Variants in CEP112 observed in about 807,000 individuals in gnomAD.
The protein encoded by CEP112 is centrosomal protein of 112 kDa.
Under a neutral mutation model 153.0 loss-of-function variants are expected in CEP112, and 127 were observed. That is an observed-to-expected ratio of 0.83 (90% CI 0.72 to 0.96). The LOEUF is 0.96. Among genes scored for constraint, CEP112 ranks in the 40% least tolerant of loss-of-function variants. CEP112 has a pLI of 0.00. For missense variants in CEP112, 1,089 were observed against 1,101.2 expected, an observed-to-expected ratio of 0.99 and a Z score of 0.16; for synonymous variants, 358 against 374.4, an observed-to-expected ratio of 0.96 and a Z score of 0.51.
intron 17 of CEP112, among the ~76,000 whole-genome samples, chr17:65,977,426 T>C (rs895567287): frequency 1.3e-5 from 2 of 152,132 alleles, no homozygotes; most frequent in African/African-American, 4.8e-5. Flanking sequence ...AATAGAGGCT[T>C]TAAAGTCAAA....
intron 8 of CEP112, among the ~76,000 whole-genome samples, chr17:66,075,875 T>C (rs1450051313): frequency 6.6e-6 from 1 of 152,088 alleles, no homozygotes; most frequent in Non-Finnish European, 1.5e-5. Flanking sequence ...CCCCAAATAC[T>C]GTGAGTTCCC....
At chr17:65,985,946 G>A (rs1169798304) in intron 17 of CEP112, among the ~76,000 whole-genome samples, 1 of 151,596 alleles carries the variant, frequency 6.6e-6, no homozygotes, top group African/African-American at 2.4e-5. Context: ...TGAATCTACA[G>A]CAAATCACGA....
chr17:65,759,992 C>T (rs755120352), intron 21 of CEP112, among the ~76,000 whole-genome samples: 13 of 152,102 alleles, frequency 8.5e-5, no homozygotes, highest in Non-Finnish European at 1.8e-4. Context: ...TTATTATAGA[C>T]GTATACCTAA....
At chr17:65,851,263 T>C (rs990482494) in intron 21 of CEP112, among the ~76,000 whole-genome samples, 3 of 152,224 alleles carry the variant, frequency 2.0e-5, no homozygotes, top group Non-Finnish European at 4.4e-5. Context: ...GCACCTTTAA[T>C]ATAAGTCCAA....
intron 23 of CEP112, among the ~76,000 whole-genome samples, chr17:65,710,497 C>T (rs1202847820): frequency 6.6e-6 from 1 of 152,134 alleles, no homozygotes; most frequent in East Asian, 1.9e-4. Flanking sequence ...GCGTGTAAGA[C>T]AGCAAGGAAG....
At chr17:65,830,500 T>G (rs545299045) in intron 21 of CEP112, among the ~76,000 whole-genome samples, 1 of 152,246 alleles carries the variant, frequency 6.6e-6, no homozygotes, top group South Asian at 2.1e-4. Context: ...CCAGGAATAC[T>G]GAACCAAACT....
At chr17:65,976,361 G>A (rs541750621) in intron 17 of CEP112, among the ~76,000 whole-genome samples, 231 of 152,264 alleles carry the variant, frequency 1.5e-3, no homozygotes, top group Non-Finnish European at 2.8e-3. Context: ...GGCCTTGACT[G>A]TCTCCCAAAT....
intron 4 of CEP112, among the ~76,000 whole-genome samples, chr17:66,171,007 T>C (rs972073805): frequency 6.6e-6 from 1 of 152,114 alleles, no homozygotes; most frequent in Non-Finnish European, 1.5e-5. Flanking sequence ...AATGTATACT[T>C]GGTGGAAAAA....
intron 24 of CEP112, among the ~76,000 whole-genome samples, chr17:65,679,679 C>T (rs232104): frequency 0.47 from 71,749 of 151,926 alleles, 17,224 homozygotes; most frequent in Middle Eastern, 0.55. Context: ...TTTAAGGCTG[C>T]CTGTGACTCC....
intron 20 of CEP112, among the ~76,000 whole-genome samples, chr17:65,870,007 T>C (rs1373920740): frequency 3.4e-5 from 1 of 29,848 alleles, no homozygotes; most frequent in African/African-American, 8.3e-5. Context: ...GTACTCTAGG[T>C]AGAGAATAAG....
chr17:66,112,496 C>T (rs1162881420), intron 6 of CEP112, among the ~76,000 whole-genome samples: 3 of 151,976 alleles, frequency 2.0e-5, no homozygotes, highest in South Asian at 2.1e-4. Context: ...TATAGATTGG[C>T]ATAAATTAAA....
chr17:65,970,282 G>A (rs777797588), intron 17 of CEP112, among the ~76,000 whole-genome samples: 7 of 150,536 alleles, frequency 4.7e-5, no homozygotes, highest in Non-Finnish European at 8.9e-5. Context: ...CATGTATGTA[G>A]CATGGATGTC....
chr17:66,170,521 T>TTTA (rs1298324856), intron 4 of CEP112, among the ~76,000 whole-genome samples: 2 of 152,282 alleles, frequency 1.3e-5, no homozygotes, highest in East Asian at 3.9e-4. Context: ...TCCCAGCACT[T>TTTA]TGAGAGGCCA....
At chr17:65,971,522 T>G (rs996718208) in intron 17 of CEP112, among the ~76,000 whole-genome samples, 4 of 149,940 alleles carry the variant, frequency 2.7e-5, no homozygotes, top group East Asian at 2.0e-4. Context: ...ACATTACATG[T>G]GTATCACCTA....
intron 12 of CEP112, among the ~76,000 whole-genome samples, chr17:66,038,018 G>C (rs72838597): frequency 0.031 from 4,633 of 148,002 alleles, 94 homozygotes; most frequent in Middle Eastern, 0.058. Context: ...GGCTGTACCA[G>C]ATACAACAGG....
At chr17:66,162,514 T>C (rs2071756154) in intron 4 of CEP112, among the ~76,000 whole-genome samples, 1 of 152,188 alleles carries the variant, frequency 6.6e-6, no homozygotes, top group Non-Finnish European at 1.5e-5. Flanking sequence ...TAGAATCACT[T>C]GTAATGTCAA....
At position 65,934,174 on chromosome 17, in the gene CEP112, C is replaced by T. The variant is rs541756968; in HGVS notation, c.1873-6485G>A. On this transcript the variant is annotated intron_variant, in intron 18 of 26. Transcript: ENST00000535342. Reference sequence around the variant, plus strand: ...ACTGCACTACAGCCTGGGTGACAGACCAAGACTCTGTCTCAAAAAAAAAAA... The same window carrying T: ...ACTGCACTACAGCCTGGGTGACAGATCAAGACTCTGTCTCAAAAAAAAAAA... 2.5e-4 allele frequency among the ~76,000 whole-genome samples: 38 copies of T among 151,754 alleles called. No individual in the cohort carries two copies. The South Asian group carries it at 7.5e-3, about 30-fold the overall frequency.
At chr17:66,090,142 G>T (rs2068079692) in intron 8 of CEP112, among the ~76,000 whole-genome samples, 1 of 152,024 alleles carries the variant, frequency 6.6e-6, no homozygotes, top group South Asian at 2.1e-4. Flanking sequence ...AAGCCTTAGG[G>T]AGTTCATGAC....
At chr17:65,851,346 A>G (rs923776702) in intron 21 of CEP112, among the ~76,000 whole-genome samples, 3 of 152,182 alleles carry the variant, frequency 2.0e-5, no homozygotes, top group African/African-American at 7.2e-5. Flanking sequence ...TCTTATCTCG[A>G]CTGAAATATC....
Sources: allele counts gnomAD v4.1 joint callset (sites outside exome capture counted in the v4.1 genomes callset), GRCh38; gene constraint gnomAD v4.1.1; transcripts MANE v1.5; gene names NCBI Gene and HGNC (gene_info 2026-07-23, HGNC 2026-07-21).